STRN4: variants seen among roughly 807,000 people sequenced by gnomAD.
STRN4 encodes the protein striatin 4.
STRN4 carries 27 observed loss-of-function variants against 77.9 expected under a neutral mutation model. The observed-to-expected ratio is 0.35, with a 90% CI of 0.26 to 0.48. The LOEUF is 0.48. Ranked by LOEUF, STRN4 falls within the 20% of genes least tolerant of loss-of-function variation. The probability of loss-of-function intolerance (pLI) is 0.99; values close to 1 mark genes in which losing one functional copy is unlikely to be tolerated. For synonymous variants in STRN4, 466 were observed against 443.1 expected, an observed-to-expected ratio of 1.05 and a Z score of -0.65; for missense variants, 798 against 1,049.7, an observed-to-expected ratio of 0.76 and a Z score of 3.31.
intron 1 of STRN4, among the ~76,000 whole-genome samples, chr19:46,740,945 C>T (rs1238720761): frequency 6.6e-6 from 1 of 152,166 alleles, no homozygotes; most frequent in Non-Finnish European, 1.5e-5. Context: ...AGGACGGAGA[C>T]AAGAGCTGCA....
rs1388399247 is a variant in STRN4, at chr19:46,732,933, G to C, written c.737+106C>G. ...GGGAGCCCACGGCATACTCCAGGAG[G>C]AGGGGCCGCCAGGGCACCCAGCGCC... On this transcript the variant is annotated intron_variant, in intron 5 of 17. Transcript: ENST00000263280. 8.9e-6 allele frequency: 12 copies of C among 1,354,118 alleles called. No homozygotes were observed. In the East Asian group the frequency reaches 2.2e-4, roughly 25 times the overall value. 83.9% of individuals were successfully genotyped at this position (1,354,118 alleles called of 1,614,324 possible).
chr19:46,734,055 C>A (rs1052538376), intron 4 of STRN4, among the ~76,000 whole-genome samples: 1 of 152,234 alleles, frequency 6.6e-6, no homozygotes, highest in Non-Finnish European at 1.5e-5. Context: ...AGGCTGCACG[C>A]ACCTGCATGT....
chr19:46,730,894 G>A, intron 5 of STRN4, 21 bp from the exon 6 acceptor site: 1 of 1,607,844 alleles, frequency 6.2e-7, no homozygotes, highest in Non-Finnish European at 8.5e-7. Context: ...CAGCAGAGCA[G>A]AGGAGGCATG....
chr19:46,726,057 G>A (rs1265259259), intron 9 of STRN4: 1 of 186,128 alleles, frequency 5.4e-6, no homozygotes, highest in African/African-American at 2.3e-5. Context: ...GAGGAAGCAC[G>A]AGCCAGCAGG....
In STRN4 at chr19:46,733,057, A is replaced by G; in HGVS notation, c.719T>C (p.Ile240Thr). 6.2e-7 allele frequency: 1 copy of G among 1,611,486 alleles called. No homozygotes were observed. The highest frequency in any genetic ancestry group is 8.5e-7 in the Non-Finnish European group (1 of 1,178,030). Residue 240 changes from isoleucine to threonine, a missense_variant, in exon 5 of 18, where the codon ATC becomes ACC. This residue lies in a region of STRN4 where 511 missense variants were observed against 575.9 expected (regional missense o/e 0.89). Coordinates refer to ENST00000263280, the MANE Select transcript of STRN4 (RefSeq NM_013403.3). The surrounding 1 kb of genome is among the most constrained non-coding windows in gnomAD (Gnocchi z 4.3). Reference protein sequence around the residue: ...SGGESLLVKQIEEQIKRNAAG... With the variant: ...SGGESLLVKQTEEQIKRNAAG... Reference sequence around the variant, plus strand: ...GGCTCACCTCTTTATCTGCTCCTCGATCTGTTTCACCAGCAGCGACTCCCC... The same window carrying G: ...GGCTCACCTCTTTATCTGCTCCTCGGTCTGTTTCACCAGCAGCGACTCCCC...
At position 46,746,171 on chromosome 19, in the gene STRN4, T is replaced by C; in HGVS notation, c.260A>G (p.Glu87Gly). 6.5e-7 allele frequency: 1 copy of C among 1,532,660 alleles called. No homozygotes were observed. The highest frequency in any genetic ancestry group is 8.7e-7 in the Non-Finnish European group (1 of 1,147,488). The allele number at this position is 1,532,660 out of a possible 1,614,324, so 94.9% of individuals were successfully genotyped here. A position where few individuals can be genotyped will look rare whatever the true frequency, so the allele number is the denominator to read the frequency against. ...ARFEAEKARW[E>G]AERAELQAQV... Reference sequence around the variant, plus strand: ...CACCTGTAACTCGGCGCGCTCGGCCTCCCAGCGGGCTTTCTCGGCTTCGAA... The same window carrying C: ...CACCTGTAACTCGGCGCGCTCGGCCCCCCAGCGGGCTTTCTCGGCTTCGAA... The change falls in exon 1 of 18, where the codon GAG becomes GGG. Residue 87 changes from glutamate (E) to glycine (G), a missense_variant. Physicochemically the swap from Glu to Gly is moderately conservative, Grantham distance 98. Around this residue, in one of 2 missense-constraint regions of STRN4, gnomAD observed 511 missense variants for 575.9 expected, o/e 0.89. Transcript: ENST00000263280.
At chr19:46,735,199 G>A (rs2054335261) in intron 4 of STRN4, among the ~76,000 whole-genome samples, 1 of 152,042 alleles carries the variant, frequency 6.6e-6, no homozygotes, top group Non-Finnish European at 1.5e-5. Flanking sequence ...CCAGCTACTT[G>A]GGAGGCTGAA....
intron 14 of STRN4, 27 bp downstream of exon 14, chr19:46,722,783 T>G (rs762062198): frequency 6.2e-7 from 1 of 1,612,170 alleles, no homozygotes. Flanking sequence ...TGAGACCAAT[T>G]CCATGAGCTG....
intron 7 of STRN4, 134 bp downstream of exon 7, chr19:46,728,484 G>T: frequency 8.0e-7 from 1 of 1,252,530 alleles, no homozygotes; most frequent in Non-Finnish European, 1.1e-6. Context: ...GCTCTCCTTG[G>T]CTACCCTCCT....
At chr19:46,728,127 C>T in intron 7 of STRN4, 120 bp from the exon 8 acceptor site, 1 of 956,292 alleles carries the variant, frequency 1.0e-6, no homozygotes, top group Non-Finnish European at 1.6e-6. Flanking sequence ...AGCTCTGGCC[C>T]TGGGGGAGGG....
At position 46,739,528 on chromosome 19, in the gene STRN4, G is replaced by A. The variant is rs555814915; in HGVS notation, c.283-640C>T. The A allele has an allele frequency of 4.5e-5, 7 of 155,728 alleles. No homozygotes were observed. The South Asian group carries it at 1.2e-3, about 26-fold the overall frequency. 9.6% of individuals were successfully genotyped at this position (155,728 alleles called of 1,614,324 possible). On this transcript the variant is annotated intron_variant, in intron 1 of 17. Coordinates refer to ENST00000263280, the MANE Select transcript of STRN4 (RefSeq NM_013403.3). ...AGCACTTCACACCGTCTGCTGGCTT[G>A]AGCTGCCCCGTCTGCTCCAGTCTGT... is the stretch of plus-strand genomic sequence containing the variant.
chr19:46,725,687 A>G, intron 9 of STRN4, 39 bp from the exon 10 acceptor site: 3 of 1,601,162 alleles, frequency 1.9e-6, no homozygotes, highest in Non-Finnish European at 2.6e-6. Flanking sequence ...CTTCGCATCC[A>G]TCCCAGCAGT....
intron 16 of STRN4, chr19:46,721,717 G>C (rs2053981344): frequency 2.3e-6 from 1 of 437,450 alleles, no homozygotes; most frequent in Non-Finnish European, 4.2e-6. Context: ...AAAGCGTCTG[G>C]GCATCAGGGC....
At chr19:46,721,054 G>T (rs1310926589) in intron 16 of STRN4, 12 of 348,276 alleles carry the variant, frequency 3.4e-5, no homozygotes, top group Non-Finnish European at 6.2e-5. Flanking sequence ...TCCCTGCCCC[G>T]CAGCACTGAC....
Position 46,733,021 on chromosome 19 carries a change from C to T in STRN4, c.737+18G>A, listed in dbSNP as rs374360552. ...CAGGAGGAACAGAGAGACACACCTGCCATGTCCACGGGCTCACCTCTTTAT... is the reference window on the plus strand; with the variant it reads ...CAGGAGGAACAGAGAGACACACCTGTCATGTCCACGGGCTCACCTCTTTAT... On this transcript the variant is annotated intron_variant, in intron 5 of 17. Transcript: ENST00000263280. This position sits in a 1 kb window ranked among gnomAD's most constrained non-coding sequence, Gnocchi z 4.3. The T allele has an allele frequency of 1.9e-6, 3 of 1,599,046 alleles. No individual in the cohort carries two copies. Among genetic ancestry groups the T allele is most frequent in the East Asian group, 2.2e-5 (1 of 44,542 alleles).
At position 46,723,385 on chromosome 19, in the gene STRN4, C is replaced by G; in HGVS notation, c.1595-101G>C. 7.2e-7 allele frequency: 1 copy of G among 1,397,168 alleles called. No individual in the cohort carries two copies. Among genetic ancestry groups the G allele is most frequent in the South Asian group, 1.4e-5 (1 of 71,218 alleles). 86.5% of individuals were successfully genotyped at this position (1,397,168 alleles called of 1,614,324 possible). On this transcript the variant is annotated intron_variant, in intron 12 of 17. Coordinates refer to ENST00000263280, the MANE Select transcript of STRN4 (RefSeq NM_013403.3). The surrounding 1 kb of genome is among the most constrained non-coding windows in gnomAD (Gnocchi z 5.5). ...CTGCCAAGCCCCAGGCAGCTGGGCT[C>G]CAATCACCCACGCACCCACTTCACA...
chr19:46,728,520 A>T, intron 7 of STRN4, 98 bp downstream of exon 7: 1 of 1,446,734 alleles, frequency 6.9e-7, no homozygotes, highest in Non-Finnish European at 9.2e-7. Context: ...CGTCCGGTAG[A>T]GAGACCCTGT....
In STRN4 at chr19:46,727,942, T is replaced by C. The variant is rs750796066; in HGVS notation, c.1105A>G (p.Lys369Glu). ...GTGCCAGGAGGCGGGCCAGTCACTT[T>C]TGGGGGCAGCCCATCCACATCCCGC... is the stretch of plus-strand genomic sequence containing the variant. ...DLRDVDGLPP[K>E]VTGPPPGTPQ... Residue 369 changes from lysine to glutamate, a missense_variant, in exon 8 of 18, where the codon AAA becomes GAA. Coordinates refer to ENST00000263280, the MANE Select transcript of STRN4 (RefSeq NM_013403.3). The C allele has an allele frequency of 1.4e-5, 22 of 1,613,488 alleles. No individual in the cohort carries two copies. The South Asian group carries it at 1.6e-4, about 12-fold the overall frequency.
rs80005669 is a variant in STRN4 at position 46,734,082 on chromosome 19, G to A, written c.540-846C>T. Among the ~76,000 whole-genome samples the A allele has an allele frequency of 3.4e-3, 522 of 152,266 alleles. 3 individuals carry two copies. Among genetic ancestry groups the A allele is most frequent in the African/African-American group, 0.012 (484 of 41,546 alleles). On this transcript the variant is annotated intron_variant, in intron 4 of 17. Transcript: ENST00000263280. ...CCTGCATGTACGTCTCATCCTGTGCGCCTGTGTGTGTCTGAGGCTCCTATC... is the reference window on the plus strand; with the variant it reads ...CCTGCATGTACGTCTCATCCTGTGCACCTGTGTGTGTCTGAGGCTCCTATC...
Sources: allele counts gnomAD v4.1 joint callset (sites outside exome capture counted in the v4.1 genomes callset), GRCh38; gene constraint gnomAD v4.1.1; regional missense constraint gnomAD v4.1.1; non-coding constraint Gnocchi (gnomAD v3.1); transcripts MANE v1.5; gene names NCBI Gene and HGNC (gene_info 2026-07-23, HGNC 2026-07-21).